TTC19: variants seen among roughly 807,000 people sequenced by gnomAD.
The protein encoded by TTC19 is tetratricopeptide repeat domain 19.
TTC19 carries 38 observed loss-of-function variants against 49.5 expected under a neutral mutation model. The ratio of observed to expected loss-of-function variants is 0.77; its 90% CI spans 0.59 to 1.01. The LOEUF (loss-of-function observed/expected upper bound fraction) is 1.01, where lower values mean the gene tolerates loss of function less well. Among genes scored for constraint, TTC19 ranks in the 50% least tolerant of loss-of-function variants. The pLI, the probability that TTC19 is intolerant of heterozygous loss-of-function variation, is 0.00. For synonymous variants in TTC19, 204 were observed against 185.2 expected, an observed-to-expected ratio of 1.10 and a Z score of -0.83; for missense variants, 475 against 477.7, an observed-to-expected ratio of 0.99 and a Z score of 0.05.
intron 2 of TTC19, chr17:16,040,364 G>T: frequency 8.6e-7 from 1 of 1,169,458 alleles, no homozygotes; most frequent in Non-Finnish European, 1.3e-6. Flanking sequence ...TATACAGTTG[G>T]TACTCAGTAC....
rs1414531732 is a variant in TTC19 at position 16,027,540 on chromosome 17, G to GAGA, written c.*20_*22dup. On this transcript the variant is annotated 3_prime_UTR_variant, in exon 10 of 10. Coordinates refer to ENST00000261647, the MANE Select transcript of TTC19 (RefSeq NM_017775.4). ...AGCTCTAAATCCATTTTTGTGTAGG[G>GAGA]AGAATAATGTCTAGTAATGTGGAAG... The GAGA allele has an allele frequency of 6.2e-7, 1 of 1,613,260 alleles. No homozygotes were observed. Among genetic ancestry groups the GAGA allele is most frequent in the African/African-American group, 1.3e-5 (1 of 74,872 alleles).
rs753681043 is a variant in TTC19, at chr17:16,000,188, C to A, written c.255C>A (p.Ala85=). Residue 85 remains alanine, a synonymous_variant, in exon 2 of 10, where the codon GCC becomes GCA. Coordinates refer to ENST00000261647, the MANE Select transcript of TTC19 (RefSeq NM_017775.4). ...EEQQGADGAA[A]EDGADEAEAE... ...AGCAGGGAGCCGACGGGGCCGCTGC[C>A]GAGGACGGGGCGGACGAGGCCGAGG... 7 of 1,593,630 alleles carry A rather than the reference C, an allele frequency of 4.4e-6. No individual in the cohort carries two copies. Among genetic ancestry groups the A allele is most frequent in the Non-Finnish European group, 5.9e-6 (7 of 1,178,564 alleles).
intron 2 of TTC19, chr17:16,039,771 A>C: frequency 1.1e-6 from 1 of 879,392 alleles, no homozygotes; most frequent in South Asian, 1.6e-5. Context: ...ACCTAGAACA[A>C]TACCAGGACC....
chr17:16,009,607 A>G (rs1971008887), intron 7 of TTC19, among the ~76,000 whole-genome samples: 1 of 152,192 alleles, frequency 6.6e-6, no homozygotes, highest in South Asian at 2.1e-4. Flanking sequence ...AATGTGTTAC[A>G]TGATTCTTCA....
At chr17:16,021,138 A>G (rs1343010668) in intron 7 of TTC19, among the ~76,000 whole-genome samples, 1 of 152,224 alleles carries the variant, frequency 6.6e-6, no homozygotes, top group African/African-American at 2.4e-5. Flanking sequence ...CTGTAATCCC[A>G]GCACTTTGGG....
Position 16,028,355 on chromosome 17 carries a change from T to G in TTC19, c.*833T>G. ...CCCTACAGGTATATTTTAAAACTCT[T>G]CGTAATTCTAATGTGTACTGCTGGT... is the stretch of plus-strand genomic sequence containing the variant. On this transcript the variant is annotated 3_prime_UTR_variant, in exon 10 of 10. Transcript: ENST00000261647. The G allele has an allele frequency of 2.2e-6, 1 of 454,074 alleles. No individual in the cohort carries two copies. The highest frequency in any genetic ancestry group is 4.4e-6 in the Non-Finnish European group (1 of 226,770). The allele number at this position is 454,074 out of a possible 1,614,324, so 28.1% of individuals were successfully genotyped here. A position where few individuals can be genotyped will look rare whatever the true frequency, so the allele number is the denominator to read the frequency against.
chr17:16,000,072 CA>C, intron 1 of TTC19, 40 bp downstream of exon 1: 1 of 1,352,020 alleles, frequency 7.4e-7, no homozygotes, highest in Non-Finnish European at 9.4e-7. Context: ...CGGGCGGGGA[CA>C]GGGGCGCGGG....
intron 2 of TTC19, among the ~76,000 whole-genome samples, chr17:16,042,312 T>A (rs1367801974): frequency 6.6e-6 from 1 of 152,212 alleles, no homozygotes; most frequent in African/African-American, 2.4e-5. Flanking sequence ...ATTCATTTGA[T>A]AGATATTTAA....
At chr17:16,009,830 GA>G (rs777700522) in intron 7 of TTC19, among the ~76,000 whole-genome samples, 23 of 152,012 alleles carry the variant, frequency 1.5e-4, no homozygotes, top group Non-Finnish European at 2.9e-4. Flanking sequence ...ACTTACTGAG[GA>G]AATGCCCATA....
At chr17:16,041,422 TC>T (rs1267650299) in intron 2 of TTC19, 5 of 148,022 alleles carry the variant, frequency 3.4e-5, no homozygotes, top group Non-Finnish European at 4.5e-5. Context: ...TTTTTTTTTT[TC>T]CTTTGAGATG....
At chr17:16,044,381 A>T (rs1453040879) in intron 2 of TTC19, 1 of 471,018 alleles carries the variant, frequency 2.1e-6, no homozygotes, top group Admixed American at 2.3e-5. Flanking sequence ...AGTGACACAG[A>T]TCTAAACAAA....
intron 2 of TTC19, among the ~76,000 whole-genome samples, chr17:16,041,976 T>C (rs971214655): frequency 2.0e-5 from 3 of 152,092 alleles, no homozygotes; most frequent in Non-Finnish European, 4.4e-5. Flanking sequence ...GACCTCGATA[T>C]GCCCGCCTCG....
At chr17:16,003,975 T>C in intron 5 of TTC19, 88 bp downstream of exon 5, 2 of 1,433,332 alleles carry the variant, frequency 1.4e-6, no homozygotes, top group Non-Finnish European at 1.9e-6. Context: ...CCCCACCACA[T>C]GCTTTGGTCA....
chr17:16,037,285 T>C (rs1376744540), intron 2 of TTC19, among the ~76,000 whole-genome samples: 2 of 151,886 alleles, frequency 1.3e-5, no homozygotes, highest in African/African-American at 2.4e-5. Flanking sequence ...GAGATAATAA[T>C]CATGAACAAG....
downstream of TTC19, chr17:16,030,393 C>T (rs1034487847): frequency 2.8e-5 from 6 of 213,832 alleles, no homozygotes; most frequent in Admixed American, 5.9e-5. Context: ...CTCAGAATAG[C>T]TTAAGACCCT....
At chr17:16,013,427 A>T (rs1321575503) in intron 7 of TTC19, among the ~76,000 whole-genome samples, 1 of 152,218 alleles carries the variant, frequency 6.6e-6, no homozygotes, top group Non-Finnish European at 1.5e-5. Flanking sequence ...CTTAATGCTT[A>T]GAGAGATATT....
intron 7 of TTC19, among the ~76,000 whole-genome samples, chr17:16,021,343 T>G (rs1971377220): frequency 6.6e-6 from 1 of 152,134 alleles, no homozygotes; most frequent in Non-Finnish European, 1.5e-5. Context: ...AGCTGAGATT[T>G]TGCAACTGCA....
At chr17:16,016,708 C>A (rs1196614944) in intron 7 of TTC19, among the ~76,000 whole-genome samples, 1 of 152,128 alleles carries the variant, frequency 6.6e-6, no homozygotes, top group Middle Eastern at 3.4e-3. Flanking sequence ...CAGGTGTGCA[C>A]CACTGCATCT....
chr17:16,004,230 A>G lies in TTC19; in HGVS notation c.549A>G (p.Leu183=), dbSNP rs1970826241. 1.2e-6 allele frequency: 2 copies of G among 1,614,082 alleles called. No individual in the cohort carries two copies. The highest frequency in any genetic ancestry group is 2.2e-5 in the East Asian group (1 of 44,906). ...QEDNAIIEIS[L]KLASIYAAQN... is the part of the protein sequence containing the mutation. Reference sequence around the variant, plus strand: ...ACAATGCAATAATTGAAATTTCCCTAAAGCTGGCCAGTATCTATGCTGCGC... The same window carrying G: ...ACAATGCAATAATTGAAATTTCCCTGAAGCTGGCCAGTATCTATGCTGCGC... The change falls in exon 6 of 10, where the codon CTA becomes CTG. Residue 183 remains leucine, a synonymous_variant. Coordinates refer to ENST00000261647, the MANE Select transcript of TTC19 (RefSeq NM_017775.4).
Sources: gnomAD v4.1 joint callset for allele counts (sites outside exome capture counted in the v4.1 genomes callset) on GRCh38, gnomAD v4.1.1 for gene constraint, MANE v1.5 for transcripts, NCBI Gene and HGNC (gene_info 2026-07-23, HGNC 2026-07-21) for gene names.